Variants in KANK3 observed in about 807,000 individuals in gnomAD.
KANK3 encodes KN motif and ankyrin repeat domains 3.
A neutral mutation model predicts 65.4 loss-of-function variants in KANK3; 61 were observed. The ratio of observed to expected loss-of-function variants is 0.93; its 90% CI spans 0.76 to 1.15. The LOEUF is 1.15. Ranked by LOEUF, KANK3 falls within the 50% of genes most tolerant of loss-of-function variation. The pLI, the probability that KANK3 is intolerant of heterozygous loss-of-function variation, is 0.00. For missense variants in KANK3, 1,187 were observed against 1,178.8 expected, an observed-to-expected ratio of 1.01 and a Z score of -0.10; for synonymous variants, 586 against 543.3, an observed-to-expected ratio of 1.08 and a Z score of -1.09.
intron 1 of KANK3, among the ~76,000 whole-genome samples, chr19:8,339,519 T>C (rs1970695302): frequency 6.6e-6 from 1 of 152,008 alleles, no homozygotes. Flanking sequence ...CTACTATACC[T>C]GGCTAATTTT....
intron 1 of KANK3, among the ~76,000 whole-genome samples, chr19:8,339,981 AAAAGAAAAG>A (rs1970702810): frequency 3.2e-5 from 2 of 62,528 alleles, no homozygotes; most frequent in South Asian, 7.1e-4. Context: ...AAAAAAAAAA[AAAAGAAAAG>A]AAAAGAAAAG....
intron 10 of KANK3, 135 bp downstream of exon 10, chr19:8,324,311 TAGG>T: frequency 2.8e-6 from 2 of 719,822 alleles, no homozygotes; most frequent in Admixed American, 2.8e-5. Context: ...AGCAGCCACA[TAGG>T]AGAATCCAGA....
chr19:8,334,649 G>A lies in KANK3; in HGVS notation c.1178C>T (p.Ala393Val), dbSNP rs779611225. The A allele has an allele frequency of 2.0e-5, 31 of 1,530,972 alleles. No homozygotes were observed. The highest frequency in any genetic ancestry group is 2.6e-5 in the Non-Finnish European group (30 of 1,145,236). 94.8% of individuals were successfully genotyped at this position (1,530,972 alleles called of 1,614,324 possible). A position where few individuals can be genotyped will look rare whatever the true frequency, so the allele number is the denominator to read the frequency against. The change falls in exon 3 of 11, where the codon GCC becomes GTC. Residue 393 changes from alanine (A) to valine (V), a missense_variant. By Grantham distance (64) the Ala-to-Val change is moderately conservative. Around this residue, in one of 3 missense-constraint regions of KANK3, gnomAD observed 1,078 missense variants for 1,038.2 expected, o/e 1.04. Coordinates refer to ENST00000330915, the MANE Select transcript of KANK3 (RefSeq NM_198471.3). The stretch of plus-strand genomic sequence containing the variant: ...GGTGGCCTCGCGTAGCTGGGCCCGG[G>A]CCCCCGCCGCTGCCTCCTCCGCAGC... ...REAAEEAAAG[A>V]RAQLREATTQ...
At chr19:8,339,408 A>G (rs939235836) in intron 1 of KANK3, among the ~76,000 whole-genome samples, 37 of 146,562 alleles carry the variant, frequency 2.5e-4, no homozygotes, top group Admixed American at 4.2e-4. Context: ...TGCCCAGGCT[A>G]GAGTGCAGTG....
chr19:8,338,744 A>G (rs35063966), intron 1 of KANK3, among the ~76,000 whole-genome samples: 24,153 of 151,552 alleles, frequency 0.16, 2,183 homozygotes, highest in Non-Finnish European at 0.21. Flanking sequence ...GCGTGGTGGC[A>G]GGCGCCTGTA....
At chr19:8,323,344 T>G (rs751654419) in intron 10 of KANK3, 1 of 155,818 alleles carries the variant, frequency 6.4e-6, no homozygotes, top group Non-Finnish European at 1.5e-5. Flanking sequence ...TATTGAATAC[T>G]CTGCTGAAGT....
chr19:8,337,724 A>G, intron 2 of KANK3, 71 bp downstream of exon 2: 1 of 1,567,578 alleles, frequency 6.4e-7, no homozygotes, highest in East Asian at 2.2e-5. Context: ...GGCTGCGTCC[A>G]CACACAAGGG....
At chr19:8,329,216 G>A (rs1415480582) in intron 7 of KANK3, among the ~76,000 whole-genome samples, 1 of 150,310 alleles carries the variant, frequency 6.7e-6, no homozygotes, top group Non-Finnish European at 1.5e-5. Flanking sequence ...GCTGGGTGCG[G>A]TTGCTCACTC....
At chr19:8,340,291 T>C (rs927726404) in intron 1 of KANK3, among the ~76,000 whole-genome samples, 1,096 of 92,822 alleles carry the variant, frequency 0.012, 19 homozygotes, top group South Asian at 0.023. Context: ...TATATATATA[T>C]ACACACACAC....
intron 2 of KANK3, among the ~76,000 whole-genome samples, chr19:8,337,242 C>T (rs1264545101): frequency 5.5e-5 from 7 of 128,106 alleles, no homozygotes; most frequent in South Asian, 2.4e-4. Flanking sequence ...CTCGCTCTGT[C>T]GCCCAGGCTG....
rs759022240 is a variant in KANK3 at position 8,324,467 on chromosome 19, C to T, written c.2364G>A (p.Ser788=). ...VAALLHAHLS[S]GQPDTQSESP... is the part of the protein sequence containing the mutation. ...TGCTCACCTGGGTGTCGGGCTGGCC[C>T]GAGCTCAGGTGGGCATGTAGCAGAG... The change falls in exon 10 of 11, where the codon TCG becomes TCA. Residue 788 remains serine (S), a synonymous_variant. Transcript: ENST00000330915. The T allele has an allele frequency of 2.4e-5, 39 of 1,607,232 alleles. No individual in the cohort carries two copies. In the South Asian group the frequency reaches 2.9e-4, roughly 12 times the overall value.
chr19:8,337,941 C>T, intron 1 of KANK3, 85 bp from the exon 2 acceptor site: 2 of 1,559,636 alleles, frequency 1.3e-6, no homozygotes, highest in Non-Finnish European at 1.7e-6. Context: ...GCAAACAGGA[C>T]CCAAGAGCTC....
At position 8,325,026 on chromosome 19, in the gene KANK3, C is replaced by A. The variant is rs139611827; in HGVS notation, c.2007G>T (p.Val669=). 309 of 1,613,922 alleles carry A rather than the reference C, an allele frequency of 1.9e-4. 2 individuals carry two copies. Among genetic ancestry groups the A allele is most frequent in the Admixed American group, 1.7e-3 (103 of 60,016 alleles). ...SALMLAALTS[V]RQEEEDMAVV... is the part of the protein sequence containing the mutation. ...CAGCCATGTCCTCCTCTTCCTGCCT[C>A]ACAGAGGTGAGTGCAGCCAGCATGA... Residue 669 remains valine (V), a synonymous_variant, in exon 8 of 11, where the codon GTG becomes GTT. Transcript: ENST00000330915.
At chr19:8,323,411 A>G (rs995566579) in intron 10 of KANK3, 3 of 154,640 alleles carry the variant, frequency 1.9e-5, no homozygotes, top group African/African-American at 7.2e-5. Context: ...AAAAATTGTA[A>G]GTTGTGCCAG....
At position 8,335,509 on chromosome 19, in the gene KANK3, GAGT is replaced by G; in HGVS notation, c.315_317del (p.Leu106del). On this transcript the variant is annotated inframe_deletion, in exon 3 of 11. Transcript: ENST00000330915. ...GGAGCCCCGAGGGCGCGCCCTGGGA[GAGT>G]ATGCCCGGTGCTCCACCGTCGTCAC... 1.6e-6 allele frequency: 2 copies of G among 1,235,326 alleles called. No homozygotes were observed. The highest frequency in any genetic ancestry group is 1.0e-6 in the Non-Finnish European group (1 of 983,126). 76.5% of individuals were successfully genotyped at this position (1,235,326 alleles called of 1,614,324 possible).
intron 7 of KANK3, among the ~76,000 whole-genome samples, chr19:8,328,759 T>A (rs1970472390): frequency 6.6e-6 from 1 of 151,992 alleles, no homozygotes; most frequent in Non-Finnish European, 1.5e-5. Flanking sequence ...GGCACAACTA[T>A]TAGGGACATC....
rs145099833 is a variant in KANK3, at chr19:8,324,681, G to A, written c.2232C>T (p.Thr744=). The A allele has an allele frequency of 2.6e-4, 415 of 1,614,030 alleles. 2 individuals carry two copies. The African/African-American group carries it at 3.9e-3, about 15-fold the overall frequency. The change falls in exon 9 of 11, where the codon ACC becomes ACT. Residue 744 remains threonine, a synonymous_variant. Coordinates refer to ENST00000330915, the MANE Select transcript of KANK3 (RefSeq NM_198471.3). ...CTGGCTGGGTGAGCAGCAGCCGCAC[G>A]GTGTCCAGGCGCCCATACTCACTGG... ...MCASEYGRLD[T]VRLLLTQPGC...
chr19:8,338,549 G>A (rs1268971088), intron 1 of KANK3, among the ~76,000 whole-genome samples: 1 of 152,022 alleles, frequency 6.6e-6, no homozygotes, highest in African/African-American at 2.4e-5. Flanking sequence ...AGGAAAGAAA[G>A]ACCAGAGTTG....
intron 7 of KANK3, among the ~76,000 whole-genome samples, chr19:8,330,977 G>C (rs1330878089): frequency 6.6e-6 from 1 of 151,948 alleles, no homozygotes; most frequent in Non-Finnish European, 1.5e-5. Context: ...GCAGGCAGAT[G>C]AGTTGAGGTA....
Sources: allele counts gnomAD v4.1 joint callset (sites outside exome capture counted in the v4.1 genomes callset), GRCh38; gene constraint gnomAD v4.1.1; regional missense constraint gnomAD v4.1.1; transcripts MANE v1.5; gene names NCBI Gene and HGNC (gene_info 2026-07-23, HGNC 2026-07-21).